SYNE1: variants seen among roughly 807,000 people sequenced by gnomAD.
SYNE1 encodes the protein spectrin repeat containing nuclear envelope protein 1.
A neutral mutation model predicts 1,111.0 loss-of-function variants in SYNE1; 616 were observed. The observed-to-expected ratio is 0.55, with a 90% CI of 0.52 to 0.59. The LOEUF is 0.59. Ranked by LOEUF, SYNE1 falls within the 20% of genes least tolerant of loss-of-function variation. The probability of loss-of-function intolerance (pLI) is 0.00; values close to 1 mark genes in which losing one functional copy is unlikely to be tolerated. For missense variants in SYNE1, 10,006 were observed against 10,417.0 expected (o/e 0.96, Z 1.72); for synonymous variants, 3,855 against 3,825.8 (o/e 1.01, Z -0.28).
At chr6:152,491,231 T>G (rs2154304678) in intron 11 of SYNE1, among the ~76,000 whole-genome samples, 1 of 151,146 alleles carries the variant, frequency 6.6e-6, no homozygotes, top group Non-Finnish European at 1.5e-5. Context: ...ACTGTGGGGA[T>G]GCCTGCCTGA....
chr6:152,570,519 C>T (rs917983359), intron 3 of SYNE1, among the ~76,000 whole-genome samples: 12 of 152,090 alleles, frequency 7.9e-5, no homozygotes, highest in East Asian at 3.9e-4. Flanking sequence ...TCAACTTGAC[C>T]CTTTTGGGGA....
At chr6:152,168,617 A>G (rs1270311023) in intron 130 of SYNE1, among the ~76,000 whole-genome samples, 5 of 152,222 alleles carry the variant, frequency 3.3e-5, no homozygotes, top group African/African-American at 1.2e-4. Context: ...AAATCATCCC[A>G]CTGCAAACAA....
At chr6:152,423,899 T>C (rs1392795700) in intron 39 of SYNE1, among the ~76,000 whole-genome samples, 1 of 152,186 alleles carries the variant, frequency 6.6e-6, no homozygotes, top group Non-Finnish European at 1.5e-5. Context: ...TCTGATGTCA[T>C]CTCCCCAGAG....
intron 137 of SYNE1, chr6:152,145,949 C>A (rs2813489): frequency 2.4e-5 from 7 of 285,804 alleles, no homozygotes; most frequent in South Asian, 2.4e-4. Flanking sequence ...CGCTTGAACC[C>A]GGGAGGTGGA....
intron 100 of SYNE1, among the ~76,000 whole-genome samples, chr6:152,265,599 A>G (rs1313473721): frequency 1.3e-5 from 2 of 152,206 alleles, no homozygotes; most frequent in Non-Finnish European, 2.9e-5. Flanking sequence ...TTGTAATAAA[A>G]CCAGAGGAAT....
At position 152,232,215 on chromosome 6, in the gene SYNE1, A is replaced by C. The variant is rs2082933807; in HGVS notation, c.20763T>G (p.Ser6921Arg). The change falls in exon 113 of 146, where the codon AGT (serine) becomes AGG (arginine). Residue 6921 changes from serine (S) to arginine (R), a missense_variant. By Grantham distance (110) the Ser-to-Arg change is moderately radical (BLOSUM62 -1). Coordinates refer to ENST00000367255, the MANE Select transcript of SYNE1 (RefSeq NM_182961.4). Reference protein sequence around the residue: ...PSRHAISEVMSWISLMENVIQ... With the variant: ...PSRHAISEVMRWISLMENVIQ... ...TAACATTTTCCATTAGAGAAATCCA[A>C]CTCATGACTTCAGAAATGGCATGGC... 19 of 1,614,030 alleles carry C rather than the reference A, an allele frequency of 1.2e-5. No homozygotes were observed. The highest frequency in any genetic ancestry group is 2.2e-5 in the East Asian group (1 of 44,830).
intron 92 of SYNE1, 72 bp downstream of exon 92, chr6:152,301,797 G>A (rs2095181148): frequency 6.1e-6 from 9 of 1,482,928 alleles, no homozygotes; most frequent in Non-Finnish European, 7.2e-6. Flanking sequence ...ATCAGCCACG[G>A]AGAGGGAACA....
intron 2 of SYNE1, among the ~76,000 whole-genome samples, chr6:152,635,383 A>G (rs2099704400): frequency 6.6e-6 from 1 of 152,170 alleles, no homozygotes; most frequent in Non-Finnish European, 1.5e-5. Flanking sequence ...GATCTCTCAC[A>G]TTTTGTTCTA....
intron 11 of SYNE1, among the ~76,000 whole-genome samples, chr6:152,497,586 C>A (rs2099006523): frequency 6.6e-6 from 1 of 152,102 alleles, no homozygotes; most frequent in Non-Finnish European, 1.5e-5. Flanking sequence ...CTTGACTGCC[C>A]TGAAGAGGAG....
At chr6:152,327,268 T>C (rs888057907) in intron 78 of SYNE1, among the ~76,000 whole-genome samples, 10 of 149,652 alleles carry the variant, frequency 6.7e-5, no homozygotes, top group African/African-American at 2.5e-4. Context: ...CCAGACTCTG[T>C]CTCTCAAAAA....
At chr6:152,302,197 C>T (rs563760639) in intron 91 of SYNE1, 134 bp from the exon 92 acceptor site, 1 of 1,179,542 alleles carries the variant, frequency 8.5e-7, no homozygotes, top group Non-Finnish European at 1.2e-6. Context: ...GATGTGTAGG[C>T]GGCGAGTCCT....
chr6:152,254,904 T>C lies in SYNE1; in HGVS notation c.19446A>G (p.Arg6482=), dbSNP rs572126608. 1 of 1,613,760 alleles carries C rather than the reference T, an allele frequency of 6.2e-7. No individual in the cohort carries two copies. Among genetic ancestry groups the C allele is most frequent in the South Asian group, 1.1e-5 (1 of 91,062 alleles). ...CCTGGAAATTTAGTATTTGCTGAAG[T>C]CTTTCTTTCATCTGATGACATCGTT... ...VNQRCHQMKE[R]LQQILNFQND... Residue 6482 remains arginine, a synonymous_variant, in exon 104 of 146, where the codon AGA becomes AGG. Transcript: ENST00000367255.
At chr6:152,597,968 T>A (rs567984112) in intron 3 of SYNE1, among the ~76,000 whole-genome samples, 10 of 152,310 alleles carry the variant, frequency 6.6e-5, no homozygotes, top group Admixed American at 2.6e-4. Context: ...AGTATCAGTA[T>A]CACTGCATTG....
At chr6:152,287,641 G>T (rs2094403664) in intron 95 of SYNE1, among the ~76,000 whole-genome samples, 1 of 152,146 alleles carries the variant, frequency 6.6e-6, no homozygotes, top group South Asian at 2.1e-4. Flanking sequence ...CTGCCTCCCA[G>T]GTTCAAGTGA....
intron 131 of SYNE1, among the ~76,000 whole-genome samples, chr6:152,159,450 T>G (rs2061999995): frequency 6.6e-6 from 1 of 152,194 alleles, no homozygotes; most frequent in South Asian, 2.1e-4. Context: ...TAATTTAAAA[T>G]TTAATTAAAA....
rs541452608 is a variant in SYNE1 at position 152,443,403 on chromosome 6, C to T, written c.3837+1008G>A. 5.9e-5 allele frequency among the ~76,000 whole-genome samples: 9 copies of T among 152,054 alleles called. No individual in the cohort carries two copies. In the East Asian group the frequency reaches 7.8e-4, roughly 13 times the overall value. On this transcript the variant is annotated intron_variant, in intron 30 of 145. Coordinates refer to ENST00000367255, the MANE Select transcript of SYNE1 (RefSeq NM_182961.4). ...CCTCAGCCTCCTGAGTAGCTGGGAC[C>T]ACAGGCGCCCACCACCACGCTCGGC...
chr6:152,628,210 T>C (rs1195685061), intron 3 of SYNE1, 55 bp downstream of exon 3: 1 of 1,576,188 alleles, frequency 6.3e-7, no homozygotes, highest in Non-Finnish European at 8.7e-7. Context: ...TTTAACTGAT[T>C]GTGGGTTAAG....
intron 125 of SYNE1, 58 bp downstream of exon 125, chr6:152,207,914 G>T: frequency 2.5e-6 from 4 of 1,574,052 alleles, no homozygotes; most frequent in Non-Finnish European, 3.5e-6. Flanking sequence ...CGAGGCGAAG[G>T]TAAAGTGTGC....
At chr6:152,401,439 C>T (rs936503177) in intron 46 of SYNE1, 98 bp from the exon 47 acceptor site, 1 of 1,218,268 alleles carries the variant, frequency 8.2e-7, no homozygotes, top group Non-Finnish European at 1.2e-6. Flanking sequence ...GTCAAAGCCA[C>T]ACAAGTCTCA....
Sources: gnomAD v4.1 joint callset for allele counts (sites outside exome capture counted in the v4.1 genomes callset) on GRCh38, gnomAD v4.1.1 for gene constraint, MANE v1.5 for transcripts, NCBI Gene and HGNC (gene_info 2026-07-23, HGNC 2026-07-21) for gene names.